Variants in MAML2 observed in about 807,000 individuals in gnomAD.
The protein encoded by MAML2 is mastermind-like protein 2.
A neutral mutation model predicts 96.1 loss-of-function variants in MAML2; 22 were observed. The observed-to-expected ratio is 0.23, with a 90% CI of 0.16 to 0.33. MAML2 has a LOEUF of 0.33. Among genes scored for constraint, MAML2 ranks in the 10% least tolerant of loss-of-function variants. The probability of loss-of-function intolerance (pLI) is 1.00; values close to 1 mark genes in which losing one functional copy is unlikely to be tolerated. For missense variants in MAML2, 1,367 were observed against 1,392.4 expected, an observed-to-expected ratio of 0.98 and a Z score of 0.29; for synonymous variants, 561 against 521.3, an observed-to-expected ratio of 1.08 and a Z score of -1.04.
At chr11:96,056,787 A>T (rs936254092) in intron 2 of MAML2, among the ~76,000 whole-genome samples, 1 of 152,196 alleles carries the variant, frequency 6.6e-6, no homozygotes, top group African/African-American at 2.4e-5. Context: ...TCATTTGCGT[A>T]TGTGTAGGCT....
At position 95,979,146 on chromosome 11, in the gene MAML2, G is replaced by A. The variant is rs758072656; in HGVS notation, c.3273C>T (p.Asn1091=). 1.2e-6 allele frequency: 2 copies of A among 1,614,014 alleles called. No individual in the cohort carries two copies. The change falls in exon 5 of 5, where the codon AAC becomes AAT. Residue 1091 remains asparagine, a synonymous_variant. Coordinates refer to ENST00000524717, the MANE Select transcript of MAML2 (RefSeq NM_032427.4). Reference sequence around the variant, plus strand: ...TTCCTTGAAAAGCCCTGGAACTTTGGTTGGGTGAAGGAAAATTGCTGGGCG... The same window carrying A: ...TTCCTTGAAAAGCCCTGGAACTTTGATTGGGTGAAGGAAAATTGCTGGGCG... ...SLTPSNFPSP[N]QSSRAFQGTD... is the part of the protein sequence containing the mutation.
chr11:96,098,723 G>A (rs1005489572), intron 1 of MAML2, among the ~76,000 whole-genome samples: 3 of 152,214 alleles, frequency 2.0e-5, no homozygotes, highest in Admixed American at 6.5e-5. Flanking sequence ...AGGCCTGTCC[G>A]GGGCAGGGTT....
intron 2 of MAML2, among the ~76,000 whole-genome samples, chr11:96,082,583 C>T (rs893241358): frequency 1.3e-5 from 2 of 152,082 alleles, no homozygotes; most frequent in Non-Finnish European, 2.9e-5. Flanking sequence ...TGAGGTCGAG[C>T]CCCAGGAAAT....
chr11:96,248,237 C>T (rs866278137), intron 1 of MAML2, among the ~76,000 whole-genome samples: 3 of 151,578 alleles, frequency 2.0e-5, no homozygotes, highest in South Asian at 2.1e-4. Context: ...CTCAGCCTCC[C>T]GGGTAGCTGG....
rs113409010 is a variant in MAML2 at position 96,218,223 on chromosome 11, G to A, written c.513+123160C>T. Reference sequence around the variant, plus strand: ...GTCAGTGACAGAAGGCAGCTGTAACGCAGCTGTAACCCTGGCTTTGACTTG... The same window carrying A: ...GTCAGTGACAGAAGGCAGCTGTAACACAGCTGTAACCCTGGCTTTGACTTG... On this transcript the variant is annotated intron_variant, in intron 1 of 4. Coordinates refer to ENST00000524717, the MANE Select transcript of MAML2 (RefSeq NM_032427.4). Among the ~76,000 whole-genome samples the A allele has an allele frequency of 8.7e-3, 1,321 of 152,284 alleles. 31 individuals carry two copies. Among genetic ancestry groups the A allele is most frequent in the African/African-American group, 0.03 (1,252 of 41,552 alleles).
intron 1 of MAML2, among the ~76,000 whole-genome samples, chr11:96,103,593 C>G (rs1859970907): frequency 6.6e-6 from 1 of 152,182 alleles, no homozygotes; most frequent in Non-Finnish European, 1.5e-5. Flanking sequence ...CCATCCCTAA[C>G]CTCATGGCAG....
At chr11:96,053,904 A>G (rs2135770516) in intron 2 of MAML2, among the ~76,000 whole-genome samples, 1 of 152,156 alleles carries the variant, frequency 6.6e-6, no homozygotes, top group African/African-American at 2.4e-5. Flanking sequence ...CCTTTCAGCC[A>G]TATATGTGTA....
intron 3 of MAML2, among the ~76,000 whole-genome samples, chr11:95,989,632 G>T (rs1414773678): frequency 6.6e-6 from 1 of 150,834 alleles, no homozygotes; most frequent in East Asian, 1.9e-4. Flanking sequence ...AAGTTCTTTA[G>T]CTTATAAGGA....
Position 96,341,740 on chromosome 11 carries a change from C to T in MAML2, c.156G>A (p.Leu52=), listed in dbSNP as rs774452766. ...ARIAVCRQHH[L]SCEGRYERGR... ...CTCGTTCATATCGTCCTTCACAGCT[C>T]AGGTGGTGTTGGCGGCAGACAGCGA... is the stretch of plus-strand genomic sequence containing the variant. Residue 52 remains leucine, a synonymous_variant, in exon 1 of 5, where the codon CTG becomes CTA. Transcript: ENST00000524717. 3 of 1,613,130 alleles carry T rather than the reference C, an allele frequency of 1.9e-6. No homozygotes were observed. The African/African-American group carries it at 4.0e-5, about 22-fold the overall frequency.
At chr11:96,287,366 T>G (rs1403318870) in intron 1 of MAML2, among the ~76,000 whole-genome samples, 1 of 152,162 alleles carries the variant, frequency 6.6e-6, no homozygotes, top group African/African-American at 2.4e-5. Context: ...CTCTGGAGGA[T>G]GTACAGGGGA....
At chr11:96,124,972 C>T (rs1860413881) in intron 1 of MAML2, among the ~76,000 whole-genome samples, 1 of 152,172 alleles carries the variant, frequency 6.6e-6, no homozygotes, top group Non-Finnish European at 1.5e-5. Flanking sequence ...GTGATGGCCG[C>T]ATTAATTGAC....
At chr11:96,253,113 T>C (rs765395584) in intron 1 of MAML2, among the ~76,000 whole-genome samples, 3 of 152,156 alleles carry the variant, frequency 2.0e-5, no homozygotes, top group Non-Finnish European at 4.4e-5. Context: ...GAGCCTATAG[T>C]AGAGCTCAAC....
intron 1 of MAML2, among the ~76,000 whole-genome samples, chr11:96,184,624 C>G (rs1861544854): frequency 1.4e-5 from 2 of 139,892 alleles, no homozygotes; most frequent in South Asian, 4.5e-4. Context: ...GAGTCTCACT[C>G]TGTTTCCCAG....
chr11:96,201,050 G>GA (rs550616796), intron 1 of MAML2, among the ~76,000 whole-genome samples: 2 of 151,384 alleles, frequency 1.3e-5, no homozygotes, highest in Non-Finnish European at 3.0e-5. Context: ...TAATAAAAAA[G>GA]AAAAAAAAGT....
At chr11:96,226,683 C>T (rs1862213987) in intron 1 of MAML2, among the ~76,000 whole-genome samples, 1 of 152,146 alleles carries the variant, frequency 6.6e-6, no homozygotes, top group South Asian at 2.1e-4. Context: ...AAGATTTTTA[C>T]AGACAGTGTC....
chr11:96,297,769 G>T (rs938762760), intron 1 of MAML2, among the ~76,000 whole-genome samples: 1 of 151,932 alleles, frequency 6.6e-6, no homozygotes, highest in Admixed American at 6.6e-5. Context: ...TCCCTACATT[G>T]TTCTTGCTGC....
intron 2 of MAML2, among the ~76,000 whole-genome samples, chr11:96,009,836 T>C (rs569457314): frequency 1.3e-5 from 2 of 152,326 alleles, no homozygotes; most frequent in South Asian, 2.1e-4. Context: ...GGTCAGCTAC[T>C]AGAAATATTG....
At chr11:96,005,074 C>T (rs1424017918) in intron 2 of MAML2, among the ~76,000 whole-genome samples, 1 of 152,156 alleles carries the variant, frequency 6.6e-6, no homozygotes, top group Non-Finnish European at 1.5e-5. Context: ...TGGAACAGGC[C>T]CTCACCAGAC....
intron 1 of MAML2, among the ~76,000 whole-genome samples, chr11:96,199,931 C>A (rs575926957): frequency 1.3e-5 from 2 of 152,186 alleles, no homozygotes; most frequent in Non-Finnish European, 2.9e-5. Context: ...GCAGATCAAT[C>A]ATTTCATTAA....
Sources: gnomAD v4.1 joint callset for allele counts (sites outside exome capture counted in the v4.1 genomes callset) on GRCh38, gnomAD v4.1.1 for gene constraint, MANE v1.5 for transcripts, NCBI Gene and HGNC (gene_info 2026-07-23, HGNC 2026-07-21) for gene names.